The following LEF1 variants were observed in gnomAD, a reference collection of about 807,000 sequenced individuals.
LEF1 encodes the protein lymphoid enhancer-binding factor 1.
A neutral mutation model predicts 51.2 loss-of-function variants in LEF1; 14 were observed. The observed-to-expected ratio is 0.27, with a 90% CI of 0.18 to 0.43. LEF1 has a LOEUF of 0.43. Ranked by LOEUF, LEF1 falls within the 20% of genes least tolerant of loss-of-function variation. The probability of loss-of-function intolerance (pLI) is 1.00; values close to 1 mark genes in which losing one functional copy is unlikely to be tolerated. For synonymous variants in LEF1, 185 were observed against 183.2 expected (o/e 1.01, Z -0.08); for missense variants, 386 against 512.0 (o/e 0.75, Z 2.37).
chr4:108,123,163 T>C (rs551518820), intron 3 of LEF1, among the ~76,000 whole-genome samples: 1 of 152,366 alleles, frequency 6.6e-6, no homozygotes, highest in Non-Finnish European at 1.5e-5. Context: ...TGCCATATGC[T>C]GTGGAGCATT....
chr4:108,144,865 C>CAAAAAAAAAA lies in LEF1; in HGVS notation c.414+18693_414+18702dup, dbSNP rs11394687. Among the ~76,000 whole-genome samples the CAAAAAAAAAA allele has an allele frequency of 1.2e-3, 51 of 41,914 alleles. 1 individual carries two copies. The highest frequency in any genetic ancestry group is 2.9e-3 in the South Asian group (2 of 700). The allele number at this position is 41,914 out of a possible 152,430, so 27.5% of individuals were successfully genotyped here. A position where few individuals can be genotyped will look rare whatever the true frequency, so the allele number is the denominator to read the frequency against. ...ACAGCAAAGAATTGACCCAACCAGC[C>CAAAAAAAAAA]AAAAAAAAAAAAAAAAAAAAAAAAG... On this transcript the variant is annotated intron_variant, in intron 3 of 11. Coordinates refer to ENST00000265165, the MANE Select transcript of LEF1 (RefSeq NM_016269.5).
chr4:108,049,307 T>C (rs1736827128), intron 11 of LEF1, among the ~76,000 whole-genome samples: 1 of 152,054 alleles, frequency 6.6e-6, no homozygotes. Flanking sequence ...TTTTCAAGAT[T>C]TTTTTTTCCT....
intron 3 of LEF1, among the ~76,000 whole-genome samples, chr4:108,118,616 T>C (rs1289392031): frequency 6.6e-6 from 1 of 152,242 alleles, no homozygotes; most frequent in Non-Finnish European, 1.5e-5. Context: ...TTCTCTTAGA[T>C]GATTGTCAGG....
intron 3 of LEF1, among the ~76,000 whole-genome samples, chr4:108,116,918 TAA>T (rs1453828994): frequency 6.6e-6 from 1 of 152,196 alleles, no homozygotes; most frequent in African/African-American, 2.4e-5. Flanking sequence ...TGCCCACAAG[TAA>T]AGAGACTGGT....
chr4:108,152,884 T>A (rs1744440275), intron 3 of LEF1, among the ~76,000 whole-genome samples: 1 of 152,092 alleles, frequency 6.6e-6, no homozygotes, highest in African/African-American at 2.4e-5. Context: ...ACACATCTAG[T>A]CAGTAGCAGA....
At chr4:108,091,271 G>A (rs990151581) in intron 3 of LEF1, among the ~76,000 whole-genome samples, 2 of 151,990 alleles carry the variant, frequency 1.3e-5, no homozygotes, top group East Asian at 3.9e-4. Flanking sequence ...CTGTACCTAC[G>A]ACATACACTA....
chr4:108,076,776 T>A (rs1738890388), intron 8 of LEF1, among the ~76,000 whole-genome samples: 1 of 151,998 alleles, frequency 6.6e-6, no homozygotes, highest in African/African-American at 2.4e-5. Flanking sequence ...ATAATGGGGC[T>A]TTAGGAGGTC....
At chr4:108,082,860 T>G (rs1288071954) in intron 5 of LEF1, among the ~76,000 whole-genome samples, 1 of 152,206 alleles carries the variant, frequency 6.6e-6, no homozygotes, top group African/African-American at 2.4e-5. Flanking sequence ...TTTACTACTC[T>G]GAACTCAAAT....
chr4:108,075,599 G>A (rs1203396769), intron 8 of LEF1: 1 of 152,172 alleles, frequency 6.6e-6, no homozygotes, highest in Non-Finnish European at 1.5e-5. Context: ...TGACTATGGT[G>A]AAAATGTAAT....
rs138191251 is a variant in LEF1 at position 108,165,508 on chromosome 4, T to C, written c.214-345A>G. Among the ~76,000 whole-genome samples, 1,236 of 152,306 alleles carry C rather than the reference T, an allele frequency of 8.1e-3. 16 individuals are homozygous for C. Among genetic ancestry groups the C allele is most frequent in the African/African-American group, 0.027 (1,120 of 41,558 alleles). ...TGCCTAATATTACAGGAGTAGGAGT[T>C]AATGGGGTTGATGGTTTCGATAGCC... On this transcript the variant is annotated intron_variant, in intron 1 of 11. Transcript: ENST00000265165.
intron 3 of LEF1, among the ~76,000 whole-genome samples, chr4:108,154,443 CAA>C (rs10672899): frequency 4.8e-3 from 347 of 71,976 alleles, no homozygotes; most frequent in Middle Eastern, 0.027. Context: ...AAGGTAGTAG[CAA>C]AAAAAAAAAA....
intron 3 of LEF1, among the ~76,000 whole-genome samples, chr4:108,135,302 T>G (rs1743188797): frequency 1.3e-5 from 2 of 152,068 alleles, no homozygotes; most frequent in Admixed American, 1.3e-4. Flanking sequence ...AACCCAAACT[T>G]TTATTGGGCC....
intron 3 of LEF1, among the ~76,000 whole-genome samples, chr4:108,128,424 G>C (rs1449564586): frequency 1.3e-5 from 2 of 151,398 alleles, no homozygotes; most frequent in East Asian, 3.9e-4. Context: ...CTTCATAAAA[G>C]CTTGGCAAGA....
In LEF1 at chr4:108,078,389, G is replaced by A. The variant is rs753283932; in HGVS notation, c.846-7C>T. On this transcript the variant is annotated splice_region_variant and splice_polypyrimidine_tract_variant and intron_variant, in intron 7 of 11. Coordinates refer to ENST00000265165, the MANE Select transcript of LEF1 (RefSeq NM_016269.5). ...CTGTTCATGCTGAGGCTTCCTAAAA[G>A]GTGGTGGTGGTGGTGGTTAGGGGAA... 19 of 1,608,900 alleles carry A rather than the reference G, an allele frequency of 1.2e-5. No homozygotes were observed. Among genetic ancestry groups the A allele is most frequent in the Middle Eastern group, 1.7e-4 (1 of 6,046 alleles).
chr4:108,114,929 G>A (rs759236999), intron 3 of LEF1, among the ~76,000 whole-genome samples: 6 of 152,242 alleles, frequency 3.9e-5, no homozygotes, highest in Admixed American at 6.5e-5. Flanking sequence ...TATGGGGCTC[G>A]AGGAGGGCAG....
intron 11 of LEF1, among the ~76,000 whole-genome samples, chr4:108,059,798 G>T (rs965910376): frequency 1.3e-5 from 2 of 152,096 alleles, no homozygotes; most frequent in Non-Finnish European, 2.9e-5. Context: ...GACATCCCGG[G>T]CTCAATAGAT....
At chr4:108,163,790 T>C (rs1745219332) in intron 2 of LEF1, 89 bp from the exon 3 acceptor site, 1 of 1,338,474 alleles carries the variant, frequency 7.5e-7, no homozygotes. Flanking sequence ...AGTTCTAAGA[T>C]AAATCAGACC....
At chr4:108,100,861 T>C (rs1740775977) in intron 3 of LEF1, among the ~76,000 whole-genome samples, 1 of 152,224 alleles carries the variant, frequency 6.6e-6, no homozygotes. Flanking sequence ...GAAAAACTCT[T>C]ATTTATTTCT....
intron 3 of LEF1, among the ~76,000 whole-genome samples, chr4:108,134,264 G>A (rs570516336): frequency 2.0e-5 from 3 of 151,858 alleles, no homozygotes; most frequent in Admixed American, 2.0e-4. Flanking sequence ...GAATACACAA[G>A]TAAGTCCACT....
Sources: allele counts gnomAD v4.1 joint callset (sites outside exome capture counted in the v4.1 genomes callset), GRCh38; gene constraint gnomAD v4.1.1; transcripts MANE v1.5; gene names NCBI Gene and HGNC (gene_info 2026-07-23, HGNC 2026-07-21).